The following TMEM132B variants were observed in gnomAD, a reference collection of about 807,000 sequenced individuals.
The protein encoded by TMEM132B is transmembrane protein 132B.
In TMEM132B, 18 loss-of-function variants were observed where a neutral mutation model predicts 90.8. The ratio of observed to expected loss-of-function variants is 0.20; its 90% CI spans 0.14 to 0.29. The LOEUF (loss-of-function observed/expected upper bound fraction) is 0.29, where lower values mean the gene tolerates loss of function less well. TMEM132B is among the 10% of genes least tolerant of loss of function. The pLI, the probability that TMEM132B is intolerant of heterozygous loss-of-function variation, is 1.00. For synonymous variants in TMEM132B, 504 were observed against 523.3 expected, an observed-to-expected ratio of 0.96 and a Z score of 0.50; for missense variants, 1,096 against 1,326.8, an observed-to-expected ratio of 0.83 and a Z score of 2.70.
intron 3 of TMEM132B, among the ~76,000 whole-genome samples, chr12:125,476,995 G>C (rs1881899305): frequency 6.6e-6 from 1 of 152,128 alleles, no homozygotes; most frequent in African/African-American, 2.4e-5. Context: ...AGTTGTTGGT[G>C]GACAGCCAAC....
intron 5 of TMEM132B, among the ~76,000 whole-genome samples, chr12:125,600,069 T>A (rs76367950): frequency 0.02 from 3,045 of 152,254 alleles, 100 homozygotes; most frequent in African/African-American, 0.069. Flanking sequence ...TATGCTATCA[T>A]CATTGGAGGA....
intron 2 of TMEM132B, among the ~76,000 whole-genome samples, chr12:125,355,818 T>A (rs900732861): frequency 6.6e-6 from 1 of 152,192 alleles, no homozygotes; most frequent in Non-Finnish European, 1.5e-5. Context: ...AACAGATGTG[T>A]ACCATTCCAC....
At chr12:125,300,918 C>A (rs1875806360) in intron 1 of TMEM132B, 1 of 152,100 alleles carries the variant, frequency 6.6e-6, no homozygotes, top group South Asian at 2.1e-4. Flanking sequence ...TGACAGCTTT[C>A]TCGGTGACTT....
chr12:125,300,135 C>T (rs962953547), intron 1 of TMEM132B, among the ~76,000 whole-genome samples: 3 of 152,194 alleles, frequency 2.0e-5, no homozygotes, highest in Admixed American at 1.3e-4. Context: ...CACGATCACC[C>T]CACCTAAAGG....
At chr12:125,373,335 G>GTATT (rs1319070990) in intron 2 of TMEM132B, among the ~76,000 whole-genome samples, 1 of 152,150 alleles carries the variant, frequency 6.6e-6, no homozygotes, top group Non-Finnish European at 1.5e-5. Flanking sequence ...ACCTCAAAAT[G>GTATT]TGACCGTATT....
At chr12:125,374,248 C>A (rs1002493203) in intron 2 of TMEM132B, among the ~76,000 whole-genome samples, 1 of 152,178 alleles carries the variant, frequency 6.6e-6, no homozygotes, top group African/African-American at 2.4e-5. Context: ...ACTGTTAGTG[C>A]AAAAGGAAGG....
chr12:125,362,702 T>G (rs180761573), intron 2 of TMEM132B, among the ~76,000 whole-genome samples: 70 of 152,350 alleles, frequency 4.6e-4, no homozygotes, highest in African/African-American at 1.5e-3. Flanking sequence ...CCTCATAGAA[T>G]GGAAACCATG....
At chr12:125,383,971 G>A (rs1042801524) in intron 2 of TMEM132B, among the ~76,000 whole-genome samples, 11 of 151,752 alleles carry the variant, frequency 7.2e-5, no homozygotes, top group Non-Finnish European at 1.0e-4. Context: ...TTTTTAGATG[G>A]AGTCTCACTC....
chr12:125,580,382 G>C (rs1247280354), intron 4 of TMEM132B, among the ~76,000 whole-genome samples: 1 of 151,932 alleles, frequency 6.6e-6, no homozygotes, highest in African/African-American at 2.4e-5. Context: ...TGGGTGAACT[G>C]AGAGTGAAGC....
intron 4 of TMEM132B, among the ~76,000 whole-genome samples, chr12:125,560,752 G>T (rs1280789321): frequency 7.1e-6 from 1 of 141,262 alleles, no homozygotes; most frequent in African/African-American, 2.6e-5. Flanking sequence ...GTGAACCAGG[G>T]AAGCGGAGCT....
intron 1 of TMEM132B, among the ~76,000 whole-genome samples, chr12:125,239,707 A>G (rs1874021397): frequency 1.3e-5 from 2 of 152,172 alleles, no homozygotes; most frequent in South Asian, 2.1e-4. Flanking sequence ...AGGGAGAGGT[A>G]AGCCAGGGCT....
At chr12:125,583,247 A>G (rs1885095118) in intron 4 of TMEM132B, among the ~76,000 whole-genome samples, 1 of 152,146 alleles carries the variant, frequency 6.6e-6, no homozygotes, top group Admixed American at 6.5e-5. Context: ...ATCAATCAAC[A>G]GAAGAAGTGA....
At chr12:125,203,990 T>C (rs1207893269) in intron 1 of TMEM132B, among the ~76,000 whole-genome samples, 1 of 152,238 alleles carries the variant, frequency 6.6e-6, no homozygotes, top group Non-Finnish European at 1.5e-5. Flanking sequence ...CTTAAAGGAA[T>C]AACAGATGCC....
intron 1 of TMEM132B, among the ~76,000 whole-genome samples, chr12:125,288,762 C>G (rs540830836): frequency 6.6e-6 from 1 of 152,180 alleles, no homozygotes; most frequent in Non-Finnish European, 1.5e-5. Context: ...GCCGGTACCA[C>G]TCACTCCCCA....
At chr12:125,505,904 GA>G (rs1287103474) in intron 3 of TMEM132B, among the ~76,000 whole-genome samples, 9 of 152,074 alleles carry the variant, frequency 5.9e-5, no homozygotes, top group Non-Finnish European at 7.4e-5. Context: ...CCAAAAAGAA[GA>G]AAAAGGAAAA....
chr12:125,242,554 G>C (rs1047659819), intron 1 of TMEM132B, among the ~76,000 whole-genome samples: 1 of 152,244 alleles, frequency 6.6e-6, no homozygotes, highest in Non-Finnish European at 1.5e-5. Context: ...TCTAGGTGGA[G>C]ATGCAAAGCC....
chr12:125,272,903 C>G (rs116551486), intron 1 of TMEM132B, among the ~76,000 whole-genome samples: 238 of 152,316 alleles, frequency 1.6e-3, no homozygotes, highest in Middle Eastern at 0.01. Flanking sequence ...ATTCTTCGCT[C>G]AAACAGTCAG....
intron 2 of TMEM132B, among the ~76,000 whole-genome samples, chr12:125,388,149 C>T (rs12304346): frequency 0.13 from 19,612 of 152,038 alleles, 1,454 homozygotes; most frequent in South Asian, 0.19. Flanking sequence ...TATTGTCGCC[C>T]GGGTGCTGTG....
intron 3 of TMEM132B, among the ~76,000 whole-genome samples, chr12:125,427,891 C>T (rs1471350680): frequency 6.6e-6 from 1 of 152,144 alleles, no homozygotes; most frequent in Non-Finnish European, 1.5e-5. Flanking sequence ...TTCTATAGGT[C>T]TGCTGGCATG....
Sources: allele counts gnomAD v4.1 joint callset (sites outside exome capture counted in the v4.1 genomes callset), GRCh38; gene constraint gnomAD v4.1.1; transcripts MANE v1.5; gene names NCBI Gene and HGNC (gene_info 2026-07-23, HGNC 2026-07-21).